Variants in ANK2 observed in about 807,000 individuals in gnomAD.
The protein encoded by ANK2 is ankyrin 2.
In ANK2, 83 loss-of-function variants were observed where a neutral mutation model predicts 360.5. That is an observed-to-expected ratio of 0.23 (90% CI 0.19 to 0.28). The LOEUF is 0.28. Among genes scored for constraint, ANK2 ranks in the 10% least tolerant of loss-of-function variants. The probability of loss-of-function intolerance (pLI) is 1.00; values close to 1 mark genes in which losing one functional copy is unlikely to be tolerated. For missense variants in ANK2, 4,201 were observed against 4,795.7 expected (o/e 0.88, Z 3.66); for synonymous variants, 1,740 against 1,759.5 (o/e 0.99, Z 0.28).
intron 26 of ANK2, among the ~76,000 whole-genome samples, chr4:113,321,469 C>G (rs1387293715): frequency 6.6e-6 from 1 of 152,148 alleles, no homozygotes; most frequent in Non-Finnish European, 1.5e-5. Context: ...TCAACAAACA[C>G]AATGCATTTG....
intron 2 of ANK2, among the ~76,000 whole-genome samples, chr4:112,927,512 A>G (rs1426073550): frequency 6.6e-6 from 1 of 152,158 alleles, no homozygotes; most frequent in Non-Finnish European, 1.5e-5. Context: ...CCCTTTGCTC[A>G]TTGTTGCCCC....
intron 2 of ANK2, among the ~76,000 whole-genome samples, chr4:112,985,523 G>A (rs906218199): frequency 1.5e-4 from 23 of 152,128 alleles, no homozygotes; most frequent in African/African-American, 5.6e-4. Context: ...TTTGTATTGA[G>A]CACAATCCTG....
At chr4:113,072,216 G>C (rs2077851286) in intron 1 of ANK2, among the ~76,000 whole-genome samples, 1 of 152,090 alleles carries the variant, frequency 6.6e-6, no homozygotes, top group Admixed American at 6.6e-5. Context: ...TATAATGATG[G>C]AGCTCTGGCT....
At chr4:112,738,588 G>A in the ANK2 span, 4 of 477,954 alleles carry the variant, frequency 8.4e-6, no homozygotes, top group Non-Finnish European at 1.2e-5. Flanking sequence ...GTTCAGGAGA[G>A]TTCTGAATTG....
In ANK2 at chr4:113,367,756, T is replaced by C; in HGVS notation, c.11223T>C (p.Phe3741=). Residue 3741 remains phenylalanine (F), a synonymous_variant, in exon 42 of 46, where the codon TTT becomes TTC. Coordinates refer to ENST00000357077, the MANE Select transcript of ANK2 (RefSeq NM_001148.6). ...TEGDSSATAL[F]PQTHKEQVQQ... ...GGGACAGCTCAGCAACAGCACTCTT[T>C]CCCCAAACTCACAAGGAGCAAGTTC... The C allele has an allele frequency of 6.2e-7, 1 of 1,613,990 alleles. No individual in the cohort carries two copies. The highest frequency in any genetic ancestry group is 2.2e-5 in the East Asian group (1 of 44,856).
At chr4:113,279,845 C>T (rs945382870) in intron 17 of ANK2, among the ~76,000 whole-genome samples, 4 of 151,772 alleles carry the variant, frequency 2.6e-5, no homozygotes, top group Non-Finnish European at 4.4e-5. Context: ...TCATAATTAT[C>T]CACACTGTTC....
chr4:113,127,661 G>T (rs1485960704), intron 1 of ANK2, among the ~76,000 whole-genome samples: 2 of 152,068 alleles, frequency 1.3e-5, no homozygotes, highest in Non-Finnish European at 2.9e-5. Flanking sequence ...AGCTTGGCAT[G>T]ATCAAAGTGG....
At chr4:112,745,743 G>A in the ANK2 span, among the ~76,000 whole-genome samples, 2 of 152,006 alleles carry the variant, frequency 1.3e-5, no homozygotes, top group African/African-American at 2.4e-5. Context: ...ATCTTGGTCA[G>A]GCTGGTCTCG....
chr4:113,043,947 C>T (rs1001572097), intron 2 of ANK2, among the ~76,000 whole-genome samples: 12 of 152,084 alleles, frequency 7.9e-5, no homozygotes, highest in Non-Finnish European at 4.4e-5. Flanking sequence ...TATTTTTCTC[C>T]TCATCTCTTC....
chr4:112,857,927 C>T (rs1160507668), intron 1 of ANK2, among the ~76,000 whole-genome samples: 1 of 152,094 alleles, frequency 6.6e-6, no homozygotes, highest in African/African-American at 2.4e-5. Flanking sequence ...GTCCTAGGAC[C>T]ATACTTTGAG....
chr4:113,382,221 G>A lies in ANK2; in HGVS notation c.*750G>A, dbSNP rs2097184065. 1 of 158,706 alleles carries A rather than the reference G, an allele frequency of 6.3e-6. No homozygotes were observed. Among genetic ancestry groups the A allele is most frequent in the East Asian group, 1.8e-4 (1 of 5,476 alleles). 9.8% of individuals were successfully genotyped at this position (158,706 alleles called of 1,614,324 possible). A position where few individuals can be genotyped will look rare whatever the true frequency, so the allele number is the denominator to read the frequency against. The stretch of plus-strand genomic sequence containing the variant: ...ACCTATTATGTCCTTAGAACTTCCA[G>A]AGTAGCCACTGCTCCCAGTTAAAGG... On this transcript the variant is annotated 3_prime_UTR_variant, in exon 46 of 46. Transcript: ENST00000357077.
intron 1 of ANK2, among the ~76,000 whole-genome samples, chr4:113,124,019 C>G (rs2095521122): frequency 6.6e-6 from 1 of 152,160 alleles, no homozygotes; most frequent in African/African-American, 2.4e-5. Flanking sequence ...ACTTCATGAT[C>G]TGCAGTTTGA....
At chr4:113,245,710 G>A (rs571057644) in intron 9 of ANK2, among the ~76,000 whole-genome samples, 26 of 152,178 alleles carry the variant, frequency 1.7e-4, no homozygotes, top group African/African-American at 6.3e-4. Context: ...AGATTTAGGT[G>A]GTGACGCCTA....
chr4:112,866,155 G>T (rs564464989), intron 1 of ANK2, among the ~76,000 whole-genome samples: 1 of 152,296 alleles, frequency 6.6e-6, no homozygotes, highest in East Asian at 1.9e-4. Context: ...TTGGAGTACA[G>T]AATACTCTTA....
chr4:113,047,087 T>G (rs538633668), upstream of ANK2, among the ~76,000 whole-genome samples: 1 of 152,332 alleles, frequency 6.6e-6, no homozygotes, highest in Admixed American at 6.5e-5. Context: ...CCATTTTGCT[T>G]CTTCTTTTCA....
upstream of ANK2, among the ~76,000 whole-genome samples, chr4:112,813,236 T>TAA (rs11393659): frequency 1.7e-3 from 212 of 124,884 alleles, no homozygotes; most frequent in Middle Eastern, 4.2e-3. Context: ...AGACTCTGTC[T>TAA]AAAAAAAAAA....
chr4:113,183,246 A>G (rs772084281), intron 2 of ANK2, among the ~76,000 whole-genome samples: 3 of 151,816 alleles, frequency 2.0e-5, no homozygotes, highest in Non-Finnish European at 4.4e-5. Flanking sequence ...GAGGAGGGAG[A>G]AGGTGTGAAA....
At chr4:113,043,875 T>A (rs1198740732) in intron 2 of ANK2, among the ~76,000 whole-genome samples, 9 of 152,116 alleles carry the variant, frequency 5.9e-5, no homozygotes, top group Non-Finnish European at 7.4e-5. Flanking sequence ...GAAGCTGCTC[T>A]GGGATTGTGA....
intron 4 of ANK2, among the ~76,000 whole-genome samples, chr4:113,227,976 T>C (rs1161263233): frequency 6.6e-6 from 1 of 152,176 alleles, no homozygotes; most frequent in East Asian, 1.9e-4. Context: ...TTACAGTGGA[T>C]ATAACAGAAG....
Sources: gnomAD v4.1 joint callset for allele counts (sites outside exome capture counted in the v4.1 genomes callset) on GRCh38, gnomAD v4.1.1 for gene constraint, MANE v1.5 for transcripts, NCBI Gene and HGNC (gene_info 2026-07-23, HGNC 2026-07-21) for gene names.